FSTL5: variants seen among roughly 807,000 people sequenced by gnomAD.
FSTL5 encodes follistatin like 5, also known as follistatin-related protein 5.
A neutral mutation model predicts 89.1 loss-of-function variants in FSTL5; 62 were observed. The observed-to-expected ratio is 0.70, with a 90% confidence interval of 0.57 to 0.86. FSTL5 has a LOEUF of 0.86. Among genes scored for constraint, FSTL5 ranks in the 40% least tolerant of loss-of-function variants. The probability of loss-of-function intolerance (pLI) is 0.00; values close to 1 mark genes in which losing one functional copy is unlikely to be tolerated. For synonymous variants in FSTL5, 383 were observed against 346.2 expected (o/e 1.11, Z -1.18); for missense variants, 1,057 against 1,001.6 (o/e 1.06, Z -0.75).
intron 6 of FSTL5, among the ~76,000 whole-genome samples, chr4:161,679,312 G>A (rs1737436839): frequency 6.6e-6 from 1 of 151,572 alleles, no homozygotes; most frequent in African/African-American, 2.4e-5. Context: ...TCTACTATAA[G>A]CTACATACTG....
At chr4:161,685,355 A>T (rs911132774) in intron 6 of FSTL5, among the ~76,000 whole-genome samples, 2 of 152,152 alleles carry the variant, frequency 1.3e-5, no homozygotes, top group Non-Finnish European at 2.9e-5. Flanking sequence ...TCGTTTTCAC[A>T]GTATTGATTC....
chr4:162,124,707 G>T (rs1372027067), intron 1 of FSTL5, among the ~76,000 whole-genome samples: 10 of 151,458 alleles, frequency 6.6e-5, no homozygotes, highest in African/African-American at 2.2e-4. Flanking sequence ...TTTTTTGTTT[G>T]TTTTTTTTCT....
At chr4:161,394,161 A>T (rs1730922604) in intron 15 of FSTL5, among the ~76,000 whole-genome samples, 1 of 152,132 alleles carries the variant, frequency 6.6e-6, no homozygotes, top group Non-Finnish European at 1.5e-5. Flanking sequence ...GGGGAACATA[A>T]ATTGTTTTAA....
intron 3 of FSTL5, among the ~76,000 whole-genome samples, chr4:161,954,226 T>A (rs1174772306): frequency 6.6e-6 from 1 of 151,598 alleles, no homozygotes; most frequent in Non-Finnish European, 1.5e-5. Flanking sequence ...CATCTCAAAT[T>A]CTGAAAAGTG....
chr4:161,595,835 T>C (rs1733995492), intron 7 of FSTL5, among the ~76,000 whole-genome samples: 1 of 152,036 alleles, frequency 6.6e-6, no homozygotes, highest in Non-Finnish European at 1.5e-5. Flanking sequence ...TTTTAAATGT[T>C]AGCCCACTTT....
At chr4:161,716,983 G>A (rs564512442) in intron 6 of FSTL5, among the ~76,000 whole-genome samples, 1 of 152,268 alleles carries the variant, frequency 6.6e-6, no homozygotes, top group Admixed American at 6.5e-5. Context: ...AATTTTTATG[G>A]TTAGAAAAGA....
intron 4 of FSTL5, among the ~76,000 whole-genome samples, chr4:161,852,806 T>C (rs573927564): frequency 2.4e-4 from 37 of 152,194 alleles, no homozygotes; most frequent in African/African-American, 8.9e-4. Flanking sequence ...ATCATGTCCT[T>C]TGCAGGGACA....
In FSTL5 at chr4:162,013,939, A is replaced by G. The variant is rs944793129; in HGVS notation, c.160+19686T>C. On this transcript the variant is annotated intron_variant, in intron 3 of 15. Transcript: ENST00000306100. Reference sequence around the variant, plus strand: ...GGTGCTAAACATCCTGGATTTAAGCAAACTAAGAGCCTCATGGATCTCAGA... The same window carrying G: ...GGTGCTAAACATCCTGGATTTAAGCGAACTAAGAGCCTCATGGATCTCAGA... Among the ~76,000 whole-genome samples, 41 of 152,174 alleles carry G rather than the reference A, an allele frequency of 2.7e-4. 1 individual carries two copies. The highest frequency in any genetic ancestry group is 9.7e-4 in the African/African-American group (40 of 41,446).
At chr4:162,033,475 A>T (rs1217787950) in intron 3 of FSTL5, 150 bp downstream of exon 3, 1 of 537,540 alleles carries the variant, frequency 1.9e-6, no homozygotes, top group Non-Finnish European at 3.3e-6. Context: ...GAATCCTCAT[A>T]GGGCTCAAAA....
chr4:161,474,327 A>C (rs1184461159), intron 13 of FSTL5, among the ~76,000 whole-genome samples: 1 of 152,210 alleles, frequency 6.6e-6, no homozygotes, highest in Non-Finnish European at 1.5e-5. Flanking sequence ...TTATTTTCTT[A>C]AATTATGTAG....
At chr4:161,440,370 G>A (rs1050801304) in intron 15 of FSTL5, among the ~76,000 whole-genome samples, 2 of 151,616 alleles carry the variant, frequency 1.3e-5, no homozygotes, top group Non-Finnish European at 2.9e-5. Context: ...ATTGTCCTGG[G>A]GCACACATAA....
chr4:161,982,716 T>C (rs17597799), intron 3 of FSTL5, among the ~76,000 whole-genome samples: 17,704 of 152,228 alleles, frequency 0.12, 1,135 homozygotes, highest in East Asian at 0.21. Flanking sequence ...AGCAATTATG[T>C]CCTTTTGACT....
At chr4:161,854,674 C>T (rs1364957188) in intron 4 of FSTL5, among the ~76,000 whole-genome samples, 1 of 151,824 alleles carries the variant, frequency 6.6e-6, no homozygotes, top group African/African-American at 2.4e-5. Context: ...AACTACTGTG[C>T]AAAATACTAG....
chr4:162,029,376 C>G (rs1362572427), intron 3 of FSTL5, among the ~76,000 whole-genome samples: 1 of 151,982 alleles, frequency 6.6e-6, no homozygotes, highest in Non-Finnish European at 1.5e-5. Context: ...TGACATAATA[C>G]TTGTCTCATT....
intron 2 of FSTL5, among the ~76,000 whole-genome samples, chr4:162,107,317 G>T (rs1731262096): frequency 6.6e-6 from 1 of 152,088 alleles, no homozygotes; most frequent in African/African-American, 2.4e-5. Context: ...TATGCCATGA[G>T]AATATTCATA....
intron 3 of FSTL5, among the ~76,000 whole-genome samples, chr4:161,980,094 A>AAG (rs1553988330): frequency 6.7e-6 from 1 of 148,946 alleles, no homozygotes; most frequent in Non-Finnish European, 1.5e-5. Flanking sequence ...AGAAAAAAGA[A>AAG]AAAGAAAGAG....
At position 161,455,312 on chromosome 4, in the gene FSTL5, T is replaced by C. The variant is rs528945299; in HGVS notation, c.1717-184A>G. 2.8e-3 allele frequency among the ~76,000 whole-genome samples: 431 copies of C among 152,322 alleles called. 3 individuals carry two copies. Among genetic ancestry groups the C allele is most frequent in the Non-Finnish European group, 5.0e-3 (343 of 68,002 alleles). On this transcript the variant is annotated intron_variant, in intron 14 of 15. Transcript: ENST00000306100. Reference sequence around the variant, plus strand: ...GTGACTGTTTTGCTTATTTTCAATATAGAAACTTGTTTCTATAAAGAAAAA... The same window carrying C: ...GTGACTGTTTTGCTTATTTTCAATACAGAAACTTGTTTCTATAAAGAAAAA...
At chr4:161,754,510 A>G (rs1352820909) in intron 6 of FSTL5, among the ~76,000 whole-genome samples, 1 of 152,128 alleles carries the variant, frequency 6.6e-6, no homozygotes, top group Non-Finnish European at 1.5e-5. Flanking sequence ...AAAATTTCAC[A>G]CAATTTTAAG....
At chr4:161,704,114 C>T (rs1258401673) in intron 6 of FSTL5, among the ~76,000 whole-genome samples, 3 of 152,110 alleles carry the variant, frequency 2.0e-5, no homozygotes, top group African/African-American at 7.2e-5. Flanking sequence ...CAAAGTCACC[C>T]CTCTGCTCAC....
Sources: gnomAD v4.1 joint callset for allele counts (sites outside exome capture counted in the v4.1 genomes callset) on GRCh38, gnomAD v4.1.1 for gene constraint, MANE v1.5 for transcripts, NCBI Gene and HGNC (gene_info 2026-07-23, HGNC 2026-07-21) for gene names.